FAM3B: variants seen among roughly 807,000 people sequenced by gnomAD.
FAM3B encodes protein FAM3B.
In FAM3B, 29 loss-of-function variants were observed where a neutral mutation model predicts 28.4. The ratio of observed to expected loss-of-function variants is 1.02; its 90% CI spans 0.76 to 1.39. The LOEUF (loss-of-function observed/expected upper bound fraction) is 1.39, where lower values mean the gene tolerates loss of function less well. FAM3B is among the 40% of genes most tolerant of loss of function. FAM3B has a pLI of 0.00. For synonymous variants in FAM3B, 91 were observed against 103.0 expected (o/e 0.88, Z 0.71); for missense variants, 266 against 293.9 (o/e 0.91, Z 0.69).
At chr21:41,348,479 A>G (rs1410911290) in intron 6 of FAM3B, 113 bp from the exon 7 acceptor site, 2 of 1,192,864 alleles carry the variant, frequency 1.7e-6, no homozygotes, top group East Asian at 4.7e-5. Context: ...CAGGAGATGA[A>G]TGTGTTTAGA....
intron 1 of FAM3B, among the ~76,000 whole-genome samples, chr21:41,311,236 C>CAAAAAAAAAAA (rs71848321): frequency 6.8e-4 from 16 of 23,492 alleles, no homozygotes; most frequent in African/African-American, 1.6e-3. Context: ...CCTGTCTCTA[C>CAAAAAAAAAAA]AAAAAAAAAA....
chr21:41,332,467 A>G (rs1321107592), intron 2 of FAM3B, among the ~76,000 whole-genome samples: 1 of 152,202 alleles, frequency 6.6e-6, no homozygotes, highest in Non-Finnish European at 1.5e-5. Context: ...CATCCGGGAT[A>G]TTGACCTACA....
rs1320572465 is a variant in FAM3B, at chr21:41,326,457, C to T, written c.163+3391C>T. On this transcript the variant is annotated intron_variant, in intron 2 of 7. Coordinates refer to ENST00000357985, the MANE Select transcript of FAM3B (RefSeq NM_058186.4). This position sits in a 1 kb window ranked among gnomAD's most constrained non-coding sequence, Gnocchi z 4.0. ...CATAGTCACTAAAGCCACATACTCC[C>T]TGGAGGATATGAGGCACATCAAACA... Among the ~76,000 whole-genome samples, 1 of 152,228 alleles carries T rather than the reference C, an allele frequency of 6.6e-6. No homozygotes were observed. Among genetic ancestry groups the T allele is most frequent in the Non-Finnish European group, 1.5e-5 (1 of 68,030 alleles).
At chr21:41,338,273 C>A in intron 2 of FAM3B, 105 bp from the exon 3 acceptor site, 1 of 1,398,882 alleles carries the variant, frequency 7.1e-7, no homozygotes. Flanking sequence ...CCGACCGCTG[C>A]TTGGAGTTTC....
At chr21:41,357,084 A>G (rs759502531) in intron 7 of FAM3B, 24 bp from the exon 8 acceptor site, 3 of 1,551,310 alleles carry the variant, frequency 1.9e-6, no homozygotes, top group South Asian at 2.4e-5. Flanking sequence ...ATGAATAAAT[A>G]AAACTCTTCT....
Position 41,352,141 on chromosome 21 carries a change from A to G in FAM3B, c.618+3417A>G, listed in dbSNP as rs150792852. ...TCTTCAGCCCCACTCAGCCCCTCCC[A>G]TGCTTTGTGTGCTCAACACTCCAGC... On this transcript the variant is annotated intron_variant, in intron 7 of 7. Coordinates refer to ENST00000357985, the MANE Select transcript of FAM3B (RefSeq NM_058186.4). Among the ~76,000 whole-genome samples the G allele has an allele frequency of 2.9e-3, 446 of 152,142 alleles. 1 individual carries two copies. Among genetic ancestry groups the G allele is most frequent in the African/African-American group, 0.01 (420 of 41,500 alleles).
At chr21:41,322,641 A>C in intron 1 of FAM3B, 1 of 718,104 alleles carries the variant, frequency 1.4e-6, no homozygotes, top group Non-Finnish European at 2.6e-6. Flanking sequence ...CTTTGACATA[A>C]ACGTTCAAGG....
At chr21:41,323,450 G>C (rs1037400577) in intron 2 of FAM3B, among the ~76,000 whole-genome samples, 1 of 152,152 alleles carries the variant, frequency 6.6e-6, no homozygotes, top group Admixed American at 6.5e-5. Flanking sequence ...TAAAGTCTTG[G>C]GAAGCAAAAG....
In FAM3B at chr21:41,347,244, C is replaced by G. The variant is rs902682019; in HGVS notation, c.485+144C>G. On this transcript the variant is annotated intron_variant, in intron 6 of 7. Transcript: ENST00000357985. ...TCTCTAAGGAAAAAGAATGAAAGATCATGACAAAATAGATGGCATTTCTTT... is the reference window on the plus strand; with the variant it reads ...TCTCTAAGGAAAAAGAATGAAAGATGATGACAAAATAGATGGCATTTCTTT... 19 of 707,300 alleles carry G rather than the reference C, an allele frequency of 2.7e-5. No homozygotes were observed. In the Admixed American group the frequency reaches 3.6e-4, roughly 13 times the overall value. 43.8% of individuals were successfully genotyped at this position (707,300 alleles called of 1,614,324 possible).
At chr21:41,317,230 G>T (rs1193859000) in intron 1 of FAM3B, among the ~76,000 whole-genome samples, 4 of 152,076 alleles carry the variant, frequency 2.6e-5, no homozygotes, top group Non-Finnish European at 5.9e-5. Context: ...GATTGGTGGG[G>T]AGCGCAGGCA....
intron 1 of FAM3B, among the ~76,000 whole-genome samples, chr21:41,310,086 G>T (rs1048636539): frequency 6.6e-6 from 1 of 152,168 alleles, no homozygotes; most frequent in African/African-American, 2.4e-5. Flanking sequence ...CAGGAAGGAG[G>T]GTGGGAGTTT....
At chr21:41,352,802 A>AAT (rs2089133229) in intron 7 of FAM3B, among the ~76,000 whole-genome samples, 1 of 97,268 alleles carries the variant, frequency 1.0e-5, no homozygotes, top group Non-Finnish European at 2.1e-5. Context: ...CTCAAAAATA[A>AAT]ATAAATAAAT....
At chr21:41,339,277 C>G (rs999550085) in intron 3 of FAM3B, among the ~76,000 whole-genome samples, 1 of 151,998 alleles carries the variant, frequency 6.6e-6, no homozygotes, top group African/African-American at 2.4e-5. Context: ...CTTGAGTGGG[C>G]CCCATTTTTA....
At position 41,323,013 on chromosome 21, in the gene FAM3B, T is replaced by G. The variant is rs761087989; in HGVS notation, c.110T>G (p.Leu37Arg). The change falls in exon 2 of 8, where the codon CTG (leucine) becomes CGG (arginine). Residue 37 changes from leucine (L) to arginine (R), a missense_variant. Leu to Arg is a moderately radical substitution (Grantham distance 102). Transcript: ENST00000357985. ...GCAGAGCTCATTCCAGATGCACCCC[T>G]GTCCAGTGCTGCCTATAGCATCCGC... is the stretch of plus-strand genomic sequence containing the variant. Reference protein sequence around the residue: ...LLAELIPDAPLSSAAYSIRSI... With the variant: ...LLAELIPDAPRSSAAYSIRSI... 6.2e-7 allele frequency: 1 copy of G among 1,610,032 alleles called. No individual in the cohort carries two copies. Among genetic ancestry groups the G allele is most frequent in the South Asian group, 1.1e-5 (1 of 91,092 alleles).
intron 7 of FAM3B, among the ~76,000 whole-genome samples, chr21:41,352,428 G>A (rs1195517327): frequency 1.3e-5 from 2 of 152,082 alleles, no homozygotes; most frequent in African/African-American, 4.8e-5. Context: ...AGAAAGGGAA[G>A]GGAATGGAAG....
At chr21:41,307,632 A>G (rs1197390998) in intron 1 of FAM3B, among the ~76,000 whole-genome samples, 1 of 152,186 alleles carries the variant, frequency 6.6e-6, no homozygotes, top group African/African-American at 2.4e-5. Context: ...GGCCATTGTA[A>G]TGTTATTAAT....
intron 7 of FAM3B, among the ~76,000 whole-genome samples, chr21:41,352,290 C>T (rs540536934): frequency 1.7e-4 from 26 of 152,264 alleles, no homozygotes; most frequent in African/African-American, 5.5e-4. Flanking sequence ...GCACATGCCT[C>T]CCTCCATGCA....
intron 3 of FAM3B, among the ~76,000 whole-genome samples, chr21:41,341,343 A>G (rs754968356): frequency 2.6e-5 from 4 of 152,254 alleles, no homozygotes; most frequent in Non-Finnish European, 5.9e-5. Flanking sequence ...GTAATAAATT[A>G]TGATAAGGCG....
chr21:41,344,718 A>G (rs1258845970), intron 4 of FAM3B, among the ~76,000 whole-genome samples, 184 bp downstream of exon 4: 1 of 152,226 alleles, frequency 6.6e-6, no homozygotes, highest in African/African-American at 2.4e-5. Flanking sequence ...TGGTTCTAAC[A>G]ACAAATAAAC....
Sources: allele counts gnomAD v4.1 joint callset (sites outside exome capture counted in the v4.1 genomes callset), GRCh38; gene constraint gnomAD v4.1.1; non-coding constraint Gnocchi (gnomAD v3.1); transcripts MANE v1.5; gene names NCBI Gene and HGNC (gene_info 2026-07-23, HGNC 2026-07-21).